FAM20C: variants seen among roughly 807,000 people sequenced by gnomAD.
FAM20C encodes the protein extracellular serine/threonine protein kinase FAM20C.
A neutral mutation model predicts 51.5 loss-of-function variants in FAM20C; 40 were observed. That is an observed-to-expected ratio of 0.78 (90% CI 0.60 to 1.01). The LOEUF is 1.01. Ranked by LOEUF, FAM20C falls within the 50% of genes least tolerant of loss-of-function variation. The probability of loss-of-function intolerance (pLI) is 0.00; values close to 1 mark genes in which losing one functional copy is unlikely to be tolerated. For synonymous variants in FAM20C, 406 were observed against 380.6 expected (o/e 1.07, Z -0.78); for missense variants, 861 against 844.7 (o/e 1.02, Z -0.24).
Position 260,058 on chromosome 7 carries a change from A to T in FAM20C, c.*78A>T, listed in dbSNP as rs1788821417. On this transcript the variant is annotated 3_prime_UTR_variant, in exon 10 of 10. Coordinates refer to ENST00000313766, the MANE Select transcript of FAM20C (RefSeq NM_020223.4). The stretch of plus-strand genomic sequence containing the variant: ...CAGCAAGCGCATGCGCCCGTCGTGA[A>T]TTCAGTGAATTCAGAGGCAGGACGG... 1.4e-6 allele frequency: 2 copies of T among 1,422,622 alleles called. No homozygotes were observed. The highest frequency in any genetic ancestry group is 2.6e-5 in the Admixed American group (1 of 38,026). 88.1% of individuals were successfully genotyped at this position (1,422,622 alleles called of 1,614,324 possible).
At chr7:217,240 C>G (rs904205979) in intron 3 of FAM20C, among the ~76,000 whole-genome samples, 1 of 152,100 alleles carries the variant, frequency 6.6e-6, no homozygotes, top group Non-Finnish European at 1.5e-5. Flanking sequence ...GGACTTGCAG[C>G]TGCGTGGGGC....
At chr7:210,331 C>T (rs949133401) in intron 3 of FAM20C, among the ~76,000 whole-genome samples, 7 of 152,166 alleles carry the variant, frequency 4.6e-5, no homozygotes, top group African/African-American at 1.7e-4. Context: ...GGAGGCTCAG[C>T]CAGGAGAGAT....
intron 8 of FAM20C, chr7:257,488 G>C: frequency 4.9e-6 from 1 of 205,826 alleles, no homozygotes; most frequent in Non-Finnish European, 9.8e-6. Flanking sequence ...GGGGGTCTTG[G>C]GCGGCGCTGT....
intron 3 of FAM20C, among the ~76,000 whole-genome samples, chr7:230,532 G>A (rs539246454): frequency 1.3e-5 from 2 of 152,244 alleles, no homozygotes; most frequent in South Asian, 2.1e-4. Flanking sequence ...GAGGGTGGCC[G>A]GGCCGTCTGG....
intron 8 of FAM20C, among the ~76,000 whole-genome samples, chr7:257,719 G>C (rs1394297527): frequency 6.6e-6 from 1 of 151,770 alleles, no homozygotes; most frequent in South Asian, 2.1e-4. Context: ...TACAGGGCTG[G>C]GGACAGGCGG....
In FAM20C at chr7:193,574, T is replaced by C. The variant is rs1241206174; in HGVS notation, c.375T>C (p.Asp125=). 1.3e-6 allele frequency: 2 copies of C among 1,500,710 alleles called. No individual in the cohort carries two copies. Among genetic ancestry groups the C allele is most frequent in the Non-Finnish European group, 1.8e-6 (2 of 1,123,588 alleles). 93.0% of individuals were successfully genotyped at this position (1,500,710 alleles called of 1,614,324 possible). ...CCGAGCGCGCCTTGCGGGGGCGGGA[T>C]CCCGGCGCCCTAAGACCCCACGACC... ...EPAERALRGR[D]PGALRPHDPA... The change falls in exon 1 of 10, where the codon GAT becomes GAC. Residue 125 remains aspartate, a synonymous_variant. Coordinates refer to ENST00000313766, the MANE Select transcript of FAM20C (RefSeq NM_020223.4).
At chr7:208,314 CT>C (rs371989156) in intron 2 of FAM20C, among the ~76,000 whole-genome samples, 33 of 151,114 alleles carry the variant, frequency 2.2e-4, no homozygotes, top group African/African-American at 7.5e-4. Flanking sequence ...AGATTAGGCC[CT>C]TGTGTCTGTG....
chr7:234,422 C>G (rs1027028044), intron 3 of FAM20C, among the ~76,000 whole-genome samples: 11 of 152,178 alleles, frequency 7.2e-5, no homozygotes, highest in African/African-American at 2.7e-4. Flanking sequence ...GTGGGGGGTC[C>G]CAGGCCCCGA....
intron 3 of FAM20C, among the ~76,000 whole-genome samples, chr7:241,378 C>T (rs1787941534): frequency 6.6e-6 from 1 of 152,120 alleles, no homozygotes; most frequent in Non-Finnish European, 1.5e-5. Flanking sequence ...AGTCGTTCGT[C>T]TTCTGCGTGA....
At position 193,407 on chromosome 7, in the gene FAM20C, C is replaced by A; in HGVS notation, c.208C>A (p.Pro70Thr). The A allele has an allele frequency of 2.8e-6, 4 of 1,404,972 alleles. No individual in the cohort carries two copies. Among genetic ancestry groups the A allele is most frequent in the Non-Finnish European group, 3.7e-6 (4 of 1,067,652 alleles). 87.0% of individuals were successfully genotyped at this position (1,404,972 alleles called of 1,614,324 possible). Residue 70 changes from proline (P) to threonine (T), a missense_variant, in exon 1 of 10, where the codon CCC becomes ACC. Coordinates refer to ENST00000313766, the MANE Select transcript of FAM20C (RefSeq NM_020223.4). Reference sequence around the variant, plus strand: ...CCAGGTTCGGGGCCGCCCCGGGGAGCCCCCGGCCGCCTCCTCCGCCGCCGG... The same window carrying A: ...CCAGGTTCGGGGCCGCCCCGGGGAGACCCCGGCCGCCTCCTCCGCCGCCGG... ...WAQVRGRPGE[P>T]PAASSAAGDA...
chr7:194,497 G>A (rs371677387), intron 1 of FAM20C, among the ~76,000 whole-genome samples: 31 of 147,910 alleles, frequency 2.1e-4, no homozygotes, highest in African/African-American at 7.8e-4. Flanking sequence ...GACAAGGCCA[G>A]AATAAGTAAC....
intron 3 of FAM20C, among the ~76,000 whole-genome samples, chr7:211,302 C>T (rs1786698407): frequency 1.3e-5 from 2 of 149,946 alleles, no homozygotes; most frequent in Admixed American, 1.3e-4. Flanking sequence ...CCTTAGACAT[C>T]TCCCAGCCTC....
chr7:245,746 A>G (rs150279160), intron 3 of FAM20C: 47,919 of 152,078 alleles, frequency 0.32, 10,059 homozygotes, highest in African/African-American at 0.61. Context: ...CCCCTGGAGT[A>G]TTGGCCTGAG....
chr7:217,063 G>A (rs139800453), intron 3 of FAM20C, among the ~76,000 whole-genome samples: 14 of 152,250 alleles, frequency 9.2e-5, no homozygotes, highest in Non-Finnish European at 1.5e-4. Flanking sequence ...ACAGCTCCGG[G>A]GCCACAGCCA....
chr7:214,666 T>G (rs1310446785), intron 3 of FAM20C, among the ~76,000 whole-genome samples: 1 of 152,148 alleles, frequency 6.6e-6, no homozygotes, highest in Non-Finnish European at 1.5e-5. Flanking sequence ...ACAAGGGCGT[T>G]GGAAGAAGAG....
rs377617637 is a variant in FAM20C at position 226,513 on chromosome 7, C to T, written c.863+17537C>T. Among the ~76,000 whole-genome samples the T allele has an allele frequency of 6.0e-4, 92 of 152,302 alleles. 1 individual carries two copies. The highest frequency in any genetic ancestry group is 1.0e-3 in the Admixed American group (16 of 15,308). On this transcript the variant is annotated intron_variant, in intron 3 of 9. Transcript: ENST00000313766. ...AGTCGCTGTCCCGCAGCCACACGGC[C>T]GCCCGGCTGGGCCTCTCAGGTGGCC...
intron 2 of FAM20C, among the ~76,000 whole-genome samples, chr7:199,687 G>A (rs1302531253): frequency 1.3e-5 from 2 of 152,182 alleles, no homozygotes; most frequent in African/African-American, 4.8e-5. Context: ...GCCAGCGGAG[G>A]TTTATTTATA....
intron 3 of FAM20C, among the ~76,000 whole-genome samples, chr7:230,494 G>A (rs550290105): frequency 3.9e-5 from 6 of 152,004 alleles, no homozygotes; most frequent in Non-Finnish European, 1.5e-5. Flanking sequence ...AGCCCTTCAC[G>A]AGGCTCCTGT....
intron 3 of FAM20C, among the ~76,000 whole-genome samples, chr7:241,100 G>T (rs1787934816): frequency 6.6e-6 from 1 of 152,174 alleles, no homozygotes; most frequent in South Asian, 2.1e-4. Flanking sequence ...GTCCTAAAGG[G>T]GTGGTTTGTT....
Sources: gnomAD v4.1 joint callset for allele counts (sites outside exome capture counted in the v4.1 genomes callset) on GRCh38, gnomAD v4.1.1 for gene constraint, MANE v1.5 for transcripts, NCBI Gene and HGNC (gene_info 2026-07-23, HGNC 2026-07-21) for gene names.